Variants in RERE observed in about 807,000 individuals in gnomAD.
The protein encoded by RERE is arginine-glutamic acid dipeptide repeats.
A neutral mutation model predicts 146.1 loss-of-function variants in RERE; 40 were observed. The ratio of observed to expected loss-of-function variants is 0.27; its 90% CI spans 0.21 to 0.36. The LOEUF is 0.36. Among genes scored for constraint, RERE ranks in the 10% least tolerant of loss-of-function variants. The pLI is 1.00. For synonymous variants in RERE, 1,003 were observed against 866.0 expected, an observed-to-expected ratio of 1.16 and a Z score of -2.78; for missense variants, 1,933 against 2,138.7, an observed-to-expected ratio of 0.90 and a Z score of 1.90.
intron 7 of RERE, among the ~76,000 whole-genome samples, chr1:8,516,227 G>GAGAAAAAAAAAAAAAAAAA (rs1645414049): frequency 1.9e-5 from 1 of 52,304 alleles, no homozygotes; most frequent in Non-Finnish European, 3.3e-5. Flanking sequence ...TCTCTCAGAG[G>GAGAAAAAAAAAAAAAAAAA]AAAAAAAAAA....
intron 6 of RERE, among the ~76,000 whole-genome samples, chr1:8,547,834 T>C (rs1557681796): frequency 6.6e-6 from 1 of 152,224 alleles, no homozygotes; most frequent in African/African-American, 2.4e-5. Context: ...GCATAAACCT[T>C]TCAACCCAGC....
intron 2 of RERE, among the ~76,000 whole-genome samples, chr1:8,648,722 T>G (rs78425003): frequency 0.015 from 2,316 of 152,248 alleles, 60 homozygotes; most frequent in African/African-American, 0.053. Context: ...CTCAAAATTG[T>G]CAAATAAAAT....
At chr1:8,570,310 G>A (rs914606289) in intron 4 of RERE, among the ~76,000 whole-genome samples, 8 of 151,936 alleles carry the variant, frequency 5.3e-5, no homozygotes, top group Non-Finnish European at 8.8e-5. Flanking sequence ...CCAGCCTGGC[G>A]ACAGAGTGAG....
intron 10 of RERE, among the ~76,000 whole-genome samples, chr1:8,489,226 T>A (rs1644944005): frequency 6.6e-6 from 1 of 151,556 alleles, no homozygotes; most frequent in African/African-American, 2.4e-5. Flanking sequence ...ATTAGACAGG[T>A]GTAGTAGCCT....
intron 7 of RERE, among the ~76,000 whole-genome samples, chr1:8,510,589 CTTCT>C (rs1183041874): frequency 6.6e-6 from 1 of 152,218 alleles, no homozygotes; most frequent in Admixed American, 6.5e-5. Context: ...ATCACAAGCG[CTTCT>C]TTAAGAAAAA....
intron 4 of RERE, among the ~76,000 whole-genome samples, chr1:8,603,484 G>C (rs933352571): frequency 6.6e-6 from 1 of 152,112 alleles, no homozygotes; most frequent in Non-Finnish European, 1.5e-5. Context: ...CATCACAAGC[G>C]GCTACTTATT....
At chr1:8,526,344 C>G in intron 7 of RERE, among the ~76,000 whole-genome samples, 1 of 147,854 alleles carries the variant, frequency 6.8e-6, no homozygotes, top group East Asian at 2.0e-4. Flanking sequence ...GCAAGATCAC[C>G]AAGAAATAGA....
chr1:8,645,765 C>A (rs900140957), intron 2 of RERE, among the ~76,000 whole-genome samples: 2 of 152,194 alleles, frequency 1.3e-5, no homozygotes, highest in Admixed American at 6.5e-5. Flanking sequence ...CTTCCCATTT[C>A]TCTAATTAGA....
intron 1 of RERE, among the ~76,000 whole-genome samples, chr1:8,765,364 T>A (rs1640826837): frequency 6.6e-6 from 1 of 152,006 alleles, no homozygotes; most frequent in South Asian, 2.1e-4. Context: ...AAATGAGGAG[T>A]AACTGCTCAT....
At chr1:8,621,687 T>C (rs1032480759) in intron 3 of RERE, among the ~76,000 whole-genome samples, 5 of 152,252 alleles carry the variant, frequency 3.3e-5, no homozygotes, top group African/African-American at 9.6e-5. Context: ...CATCGGGTTT[T>C]TGTTTCTTTC....
chr1:8,670,968 C>T (rs77495503), intron 1 of RERE, among the ~76,000 whole-genome samples: 1,614 of 152,098 alleles, frequency 0.011, 29 homozygotes, highest in African/African-American at 0.037. Context: ...ACAGAGCGCA[C>T]GTGGTGTGAG....
intron 1 of RERE, among the ~76,000 whole-genome samples, chr1:8,711,300 G>A (rs1021708823): frequency 1.3e-5 from 2 of 151,860 alleles, no homozygotes; most frequent in South Asian, 2.1e-4. Flanking sequence ...CTAGGCTCCC[G>A]GGGGCATCAC....
At chr1:8,607,103 G>T (rs1212312821) in intron 4 of RERE, among the ~76,000 whole-genome samples, 1 of 152,144 alleles carries the variant, frequency 6.6e-6, no homozygotes, top group Non-Finnish European at 1.5e-5. Context: ...GCTCACAATT[G>T]TAACCCTAAC....
At chr1:8,673,885 G>A (rs1215828787) in intron 1 of RERE, among the ~76,000 whole-genome samples, 2 of 152,002 alleles carry the variant, frequency 1.3e-5, no homozygotes, top group African/African-American at 4.8e-5. Context: ...ACACAAATTA[G>A]CTGGGCACCT....
intron 12 of RERE, among the ~76,000 whole-genome samples, chr1:8,416,475 A>T (rs181690206): frequency 2.2e-4 from 33 of 151,696 alleles, no homozygotes; most frequent in African/African-American, 7.7e-4. Context: ...AGTCCCAGCT[A>T]CTCGGGAGGC....
chr1:8,483,849 G>A (rs377479483), intron 10 of RERE, among the ~76,000 whole-genome samples: 1 of 152,122 alleles, frequency 6.6e-6, no homozygotes. Flanking sequence ...TAATCCAAAC[G>A]TCTAAAAGCC....
chr1:8,781,030 T>C (rs1641154432), intron 1 of RERE, among the ~76,000 whole-genome samples: 1 of 151,074 alleles, frequency 6.6e-6, no homozygotes, highest in Non-Finnish European at 1.5e-5. Context: ...GAGACCAGCC[T>C]GGGCAACATA....
At chr1:8,693,307 G>A (rs1488948437) in intron 1 of RERE, among the ~76,000 whole-genome samples, 2 of 152,166 alleles carry the variant, frequency 1.3e-5, no homozygotes, top group African/African-American at 2.4e-5. Flanking sequence ...GCTTAAAGCA[G>A]CTTTATTCAT....
At chr1:8,700,133 C>T (rs903452712) in intron 1 of RERE, among the ~76,000 whole-genome samples, 2 of 151,982 alleles carry the variant, frequency 1.3e-5, no homozygotes, top group African/African-American at 4.8e-5. Flanking sequence ...AGTGAAACCC[C>T]ATCTCTACTA....
Sources: allele counts gnomAD v4.1 joint callset (sites outside exome capture counted in the v4.1 genomes callset), GRCh38; gene constraint gnomAD v4.1.1; transcripts MANE v1.5; gene names NCBI Gene and HGNC (gene_info 2026-07-23, HGNC 2026-07-21).